The following DCLRE1C variants were observed in gnomAD, a reference collection of about 807,000 sequenced individuals.
DCLRE1C encodes DNA cross-link repair 1C, also known as protein artemis.
Under a neutral mutation model 61.4 loss-of-function variants are expected in DCLRE1C, and 47 were observed. That is an observed-to-expected ratio of 0.77 (90% CI 0.61 to 0.98). The LOEUF is 0.98. DCLRE1C is among the 50% of genes least tolerant of loss of function. The pLI, the probability that DCLRE1C is intolerant of heterozygous loss-of-function variation, is 0.00. For missense variants in DCLRE1C, 858 were observed against 816.0 expected, an observed-to-expected ratio of 1.05 and a Z score of -0.63; for synonymous variants, 337 against 287.6, an observed-to-expected ratio of 1.17 and a Z score of -1.74.
At position 14,917,185 on chromosome 10, in the gene DCLRE1C, G is replaced by T. The variant is rs143384949; in HGVS notation, c.1156+2553C>A. Among the ~76,000 whole-genome samples, 87 of 152,182 alleles carry T rather than the reference G, an allele frequency of 5.7e-4. 1 individual carries two copies. The East Asian group carries it at 0.016, about 28-fold the overall frequency. ...CCAACAAATGGTTTAAGAACATTTG[G>T]ATATCCATACAGACACACACACAAA... On this transcript the variant is annotated intron_variant, in intron 13 of 13. Coordinates refer to ENST00000378278, the MANE Select transcript of DCLRE1C (RefSeq NM_001033855.3).
intron 2 of DCLRE1C, chr10:14,945,580 C>T (rs1480314924): frequency 1.9e-6 from 2 of 1,031,574 alleles, no homozygotes; most frequent in African/African-American, 3.5e-5. Context: ...AAAGATACCG[C>T]CACACATTAC....
chr10:14,947,739 A>G (rs1841905537), intron 2 of DCLRE1C: 1 of 152,252 alleles, frequency 6.6e-6, no homozygotes, highest in African/African-American at 2.4e-5. Context: ...CTCCAGTACA[A>G]TGCCCGACAT....
intron 12 of DCLRE1C, chr10:14,920,426 G>A (rs549034117): frequency 5.2e-5 from 53 of 1,011,116 alleles, no homozygotes; most frequent in South Asian, 2.8e-4. Context: ...GGCAGATTCC[G>A]GGAAGCCTTT....
chr10:14,917,711 G>T (rs1018278500), intron 13 of DCLRE1C, among the ~76,000 whole-genome samples: 1 of 152,102 alleles, frequency 6.6e-6, no homozygotes, highest in Admixed American at 6.6e-5. Context: ...GTACTACTTG[G>T]GAGGCTGAAG....
intron 13 of DCLRE1C, among the ~76,000 whole-genome samples, chr10:14,911,648 T>G (rs1177874451): frequency 1.3e-5 from 2 of 152,128 alleles, no homozygotes; most frequent in Non-Finnish European, 1.5e-5. Context: ...ACCTTTACGC[T>G]TCAAGACACC....
Position 14,912,621 on chromosome 10 carries a change from C to A in DCLRE1C, c.1157-3291G>T, listed in dbSNP as rs189498488. Among the ~76,000 whole-genome samples, 5 of 152,314 alleles carry A rather than the reference C, an allele frequency of 3.3e-5. No individual in the cohort carries two copies. The East Asian group carries it at 9.6e-4, about 29-fold the overall frequency. ...AGGTATGAAATACTGATATATGCCA[C>A]AGTATAGATGTACCTTGAAAAGATA... On this transcript the variant is annotated intron_variant, in intron 13 of 13. Coordinates refer to ENST00000378278, the MANE Select transcript of DCLRE1C (RefSeq NM_001033855.3).
intron 13 of DCLRE1C, chr10:14,899,498 T>A (rs758218478): frequency 5.6e-6 from 9 of 1,604,434 alleles, no homozygotes; most frequent in Non-Finnish European, 6.8e-6. Context: ...GCTTCTTTGG[T>A]TCAGTAGCTA....
intron 13 of DCLRE1C, 31 bp downstream of exon 13, chr10:14,919,707 A>C: frequency 4.5e-6 from 7 of 1,542,480 alleles, no homozygotes; most frequent in Non-Finnish European, 5.4e-6. Flanking sequence ...CAGGGAGCCC[A>C]CCCCTCTGAA....
At chr10:14,922,653 A>T (rs959461950) in intron 12 of DCLRE1C, among the ~76,000 whole-genome samples, 1 of 152,150 alleles carries the variant, frequency 6.6e-6, no homozygotes, top group Non-Finnish European at 1.5e-5. Flanking sequence ...CTTTTTTAAG[A>T]AGACCAACAA....
chr10:14,899,559 T>G, intron 13 of DCLRE1C: 10 of 1,614,016 alleles, frequency 6.2e-6, no homozygotes, highest in Non-Finnish European at 6.8e-6. Context: ...GTGAAGAAGC[T>G]GAAAGACGAG....
chr10:14,920,305 C>T, intron 12 of DCLRE1C: 2 of 827,574 alleles, frequency 2.4e-6, no homozygotes, highest in Non-Finnish European at 3.0e-6. Flanking sequence ...CATTCTAGGT[C>T]CTTAGGCTGA....
intron 1 of DCLRE1C, among the ~76,000 whole-genome samples, chr10:14,950,159 G>A (rs1330837582): frequency 6.6e-6 from 1 of 151,948 alleles, no homozygotes; most frequent in Non-Finnish European, 1.5e-5. Context: ...TGACCAATAC[G>A]GAGATACCCT....
At chr10:14,948,654 T>G (rs923643930) in intron 2 of DCLRE1C, among the ~76,000 whole-genome samples, 1 of 151,936 alleles carries the variant, frequency 6.6e-6, no homozygotes, top group Non-Finnish European at 1.5e-5. Flanking sequence ...GGCAGGAGGA[T>G]CACCTGAGGC....
At chr10:14,912,254 C>T (rs1382320237) in intron 13 of DCLRE1C, among the ~76,000 whole-genome samples, 2 of 152,098 alleles carry the variant, frequency 1.3e-5, no homozygotes, top group Admixed American at 6.6e-5. Flanking sequence ...CAAGTTTTCA[C>T]CATGTTGGCC....
chr10:14,933,333 C>T (rs1375783103), intron 8 of DCLRE1C, among the ~76,000 whole-genome samples: 4 of 152,150 alleles, frequency 2.6e-5, no homozygotes, highest in African/African-American at 9.6e-5. Flanking sequence ...CAGACAAAAA[C>T]AATCAAGAAT....
chr10:14,900,877 C>G (rs1282311221), downstream of DCLRE1C, among the ~76,000 whole-genome samples: 1 of 152,098 alleles, frequency 6.6e-6, no homozygotes, highest in African/African-American at 2.4e-5. Context: ...GATTGGCAAG[C>G]ATGTTACTAA....
chr10:14,953,894 T>A lies in DCLRE1C; in HGVS notation c.109+8A>T, dbSNP rs749519637. 2 of 1,613,852 alleles carry A rather than the reference T, an allele frequency of 1.2e-6. No individual in the cohort carries two copies. The highest frequency in any genetic ancestry group is 8.5e-7 in the Non-Finnish European group (1 of 1,179,908). Reference sequence around the variant, plus strand: ...CCCGGGAGCGGGCGACGCGCAGCCCTCACTCACCTTTGTGGCAGTGGGACA... The same window carrying A: ...CCCGGGAGCGGGCGACGCGCAGCCCACACTCACCTTTGTGGCAGTGGGACA... On this transcript the variant is annotated splice_region_variant and intron_variant, in intron 1 of 13. Coordinates refer to ENST00000378278, the MANE Select transcript of DCLRE1C (RefSeq NM_001033855.3).
intron 2 of DCLRE1C, 98 bp downstream of exon 2, chr10:14,948,938 G>A: frequency 5.8e-6 from 5 of 867,198 alleles, no homozygotes; most frequent in Non-Finnish European, 7.7e-6. Flanking sequence ...CGTTCATTTT[G>A]TAAATGACTA....
chr10:14,932,756 A>T, intron 9 of DCLRE1C, 98 bp downstream of exon 9: 1 of 1,402,432 alleles, frequency 7.1e-7, no homozygotes. Flanking sequence ...CTCAGGTTTT[A>T]CATTTGTAAA....
Sources: gnomAD v4.1 joint callset for allele counts (sites outside exome capture counted in the v4.1 genomes callset) on GRCh38, gnomAD v4.1.1 for gene constraint, MANE v1.5 for transcripts, NCBI Gene and HGNC (gene_info 2026-07-23, HGNC 2026-07-21) for gene names.